Variants in ZNF529 observed in about 807,000 individuals in gnomAD.
ZNF529 encodes the protein zinc finger protein 529.
Under a neutral mutation model 10.1 loss-of-function variants are expected in ZNF529, and 11 were observed. That is an observed-to-expected ratio of 1.09 (90% confidence interval 0.69 to 1.81). The LOEUF (loss-of-function observed/expected upper bound fraction) is 1.81. Ranked by LOEUF, ZNF529 falls within the 40% of genes most tolerant of loss-of-function variation. ZNF529 has a pLI of 0.00. For synonymous variants in ZNF529, 204 were observed against 215.7 expected (o/e 0.95, Z 0.47); for missense variants, 624 against 666.8 (o/e 0.94, Z 0.71).
intron 2 of ZNF529, among the ~76,000 whole-genome samples, chr19:36,565,425 G>A (rs533973581): frequency 1.5e-4 from 23 of 152,194 alleles, no homozygotes; most frequent in Admixed American, 5.9e-4. Context: ...AGAACAGGCC[G>A]GGCGCGGTGG....
At position 36,547,811 on chromosome 19, in the gene ZNF529, A is replaced by G. The variant is rs774331540; in HGVS notation, c.747T>C (p.His249=). ...CCTTACATTTATAGAACTTCTCATT[A>G]TGAATTTTCTGGTATACATTAAAGT... ...YKDFNVYQKI[H]NEKFYKCKEY... The change falls in exon 5 of 5, where the codon CAT becomes CAC. Residue 249 remains histidine, a synonymous_variant. Coordinates refer to ENST00000591340, the MANE Select transcript of ZNF529 (RefSeq NM_020951.5). 2 of 1,609,444 alleles carry G rather than the reference A, an allele frequency of 1.2e-6. No homozygotes were observed. Among genetic ancestry groups the G allele is most frequent in the South Asian group, 2.2e-5 (2 of 90,090 alleles).
chr19:36,584,778 AAAAG>A (rs1361421951), intron 2 of ZNF529, among the ~76,000 whole-genome samples: 3 of 152,082 alleles, frequency 2.0e-5, no homozygotes, highest in South Asian at 2.1e-4. Flanking sequence ...AAAAAAAAAA[AAAAG>A]AAAGAATGTA....
At chr19:36,557,556 C>T (rs528851455) in intron 2 of ZNF529, among the ~76,000 whole-genome samples, 3 of 152,262 alleles carry the variant, frequency 2.0e-5, no homozygotes, top group African/African-American at 7.2e-5. Context: ...ATGGGGGAAA[C>T]CACCCCCATG....
intron 2 of ZNF529, among the ~76,000 whole-genome samples, chr19:36,560,538 T>G (rs753191753): frequency 6.6e-6 from 1 of 152,098 alleles, no homozygotes; most frequent in African/African-American, 2.4e-5. Flanking sequence ...AGAAATCAGA[T>G]TGATAAAATA....
At chr19:36,598,036 C>T (rs1027346418) in intron 1 of ZNF529, among the ~76,000 whole-genome samples, 2 of 152,162 alleles carry the variant, frequency 1.3e-5, no homozygotes, top group African/African-American at 2.4e-5. Flanking sequence ...ATGACAAAGA[C>T]ACACGTTCCT....
intron 1 of ZNF529, among the ~76,000 whole-genome samples, chr19:36,603,951 G>A (rs1170100461): frequency 6.6e-6 from 1 of 152,136 alleles, no homozygotes; most frequent in East Asian, 1.9e-4. Context: ...AAGCCGAGGC[G>A]GGTGGATCAC....
At chr19:36,559,582 C>T (rs2035604707) in intron 2 of ZNF529, among the ~76,000 whole-genome samples, 1 of 152,250 alleles carries the variant, frequency 6.6e-6, no homozygotes, top group African/African-American at 2.4e-5. Context: ...GCCGGAATTA[C>T]AGGCGTGAGC....
At chr19:36,561,113 G>A (rs530537813) in intron 2 of ZNF529, among the ~76,000 whole-genome samples, 3 of 152,252 alleles carry the variant, frequency 2.0e-5, no homozygotes, top group African/African-American at 4.8e-5. Context: ...CACAGTGCGA[G>A]GGCCTTGAAG....
intron 1 of ZNF529, among the ~76,000 whole-genome samples, chr19:36,591,703 C>T (rs892403440): frequency 4.8e-5 from 7 of 145,354 alleles, no homozygotes; most frequent in Admixed American, 7.0e-5. Flanking sequence ...CCAGCCTGGG[C>T]GACAGAGCGA....
intron 2 of ZNF529, among the ~76,000 whole-genome samples, chr19:36,557,492 C>T (rs957658515): frequency 4.6e-5 from 7 of 152,048 alleles, no homozygotes; most frequent in African/African-American, 1.7e-4. Flanking sequence ...AGGGGGAAGC[C>T]CCTTATAAAA....
At chr19:36,568,557 T>C (rs1009720846) in intron 2 of ZNF529, among the ~76,000 whole-genome samples, 1 of 151,746 alleles carries the variant, frequency 6.6e-6, no homozygotes, top group East Asian at 1.9e-4. Context: ...CTGCAACCTC[T>C]GCCTCCCAGG....
At chr19:36,562,260 T>A (rs1042344021) in intron 2 of ZNF529, among the ~76,000 whole-genome samples, 2 of 152,086 alleles carry the variant, frequency 1.3e-5, no homozygotes, top group African/African-American at 4.8e-5. Context: ...TATTATTCCA[T>A]TGTAGCTTGG....
chr19:36,564,037 T>C (rs1278317268), intron 2 of ZNF529, among the ~76,000 whole-genome samples: 1 of 152,174 alleles, frequency 6.6e-6, no homozygotes, highest in African/African-American at 2.4e-5. Context: ...ATTCAATAAA[T>C]GGTGCTGGGA....
upstream of ZNF529, chr19:36,575,021 G>C: frequency 4.7e-6 from 2 of 429,612 alleles, no homozygotes; most frequent in South Asian, 3.4e-5. Flanking sequence ...TGCTATGTTT[G>C]TATGGAATTA....
At chr19:36,578,392 G>A (rs1286790172) in intron 2 of ZNF529, among the ~76,000 whole-genome samples, 5 of 125,030 alleles carry the variant, frequency 4.0e-5, no homozygotes, top group Non-Finnish European at 7.9e-5. Flanking sequence ...TGCAAGCTCC[G>A]CCTCCCGGGT....
chr19:36,588,925 G>T (rs1352313787), intron 2 of ZNF529, among the ~76,000 whole-genome samples: 4 of 148,512 alleles, frequency 2.7e-5, no homozygotes, highest in Non-Finnish European at 5.9e-5. Flanking sequence ...CCAAAGAGGG[G>T]GTTGTGAGAA....
chr19:36,600,503 A>T (rs1299090661), intron 1 of ZNF529, among the ~76,000 whole-genome samples: 1 of 152,122 alleles, frequency 6.6e-6, no homozygotes, highest in African/African-American at 2.4e-5. Flanking sequence ...CCAATTTCTT[A>T]TTATCTATGT....
intron 4 of ZNF529, 30 bp downstream of exon 4, chr19:36,554,640 T>A: frequency 1.3e-6 from 2 of 1,513,322 alleles, no homozygotes; most frequent in Non-Finnish European, 1.8e-6. Flanking sequence ...AGAGAGTATA[T>A]TCTAAGTTAT....
chr19:36,578,329 G>A (rs1362626810), intron 2 of ZNF529, among the ~76,000 whole-genome samples: 127 of 74,166 alleles, frequency 1.7e-3, no homozygotes, highest in Non-Finnish European at 3.0e-3. Flanking sequence ...TTTTTGAGAC[G>A]GAGTCTCACT....
Sources: allele counts gnomAD v4.1 joint callset (sites outside exome capture counted in the v4.1 genomes callset), GRCh38; gene constraint gnomAD v4.1.1; transcripts MANE v1.5; gene names NCBI Gene and HGNC (gene_info 2026-07-23, HGNC 2026-07-21).